HIKESHI: variants seen among roughly 807,000 people sequenced by gnomAD.
The protein encoded by HIKESHI is protein Hikeshi.
In HIKESHI, 13 loss-of-function variants were observed where a neutral mutation model predicts 25.7. That is an observed-to-expected ratio of 0.51 (90% CI 0.33 to 0.80). The LOEUF (loss-of-function observed/expected upper bound fraction) is 0.80, where lower values mean the gene tolerates loss of function less well. Among genes scored for constraint, HIKESHI ranks in the 30% least tolerant of loss-of-function variants. The probability of loss-of-function intolerance (pLI) is 0.02; values close to 1 mark genes in which losing one functional copy is unlikely to be tolerated. For synonymous variants in HIKESHI, 76 were observed against 78.7 expected (o/e 0.97, Z 0.18); for missense variants, 174 against 229.5 (o/e 0.76, Z 1.56).
chr11:86,302,586 A>T, intron 1 of HIKESHI, 108 bp downstream of exon 1: 1 of 1,328,014 alleles, frequency 7.5e-7, no homozygotes, highest in Non-Finnish European at 1.0e-6. Flanking sequence ...CCCACTTATT[A>T]TATTTTGGGT....
chr11:86,311,501 A>C (rs930836782), intron 2 of HIKESHI, among the ~76,000 whole-genome samples: 4 of 152,094 alleles, frequency 2.6e-5, no homozygotes, highest in African/African-American at 9.7e-5. Context: ...TTGATCTTTC[A>C]AAAAACCAGC....
At chr11:86,323,040 G>A (rs940960459) in intron 2 of HIKESHI, among the ~76,000 whole-genome samples, 2 of 151,974 alleles carry the variant, frequency 1.3e-5, no homozygotes, top group South Asian at 4.1e-4. Flanking sequence ...ACCAGCCTGG[G>A]CAACGTAGCA....
At chr11:86,308,174 AAT>A (rs558546781) in intron 2 of HIKESHI, among the ~76,000 whole-genome samples, 300 of 124,208 alleles carry the variant, frequency 2.4e-3, no homozygotes, top group African/African-American at 4.3e-3. Flanking sequence ...TTACATATAA[AAT>A]ATATATTACA....
intron 2 of HIKESHI, among the ~76,000 whole-genome samples, chr11:86,315,723 A>G (rs1217423910): frequency 6.6e-6 from 1 of 151,982 alleles, no homozygotes; most frequent in Non-Finnish European, 1.5e-5. Flanking sequence ...AGGTAGTTGT[A>G]CTTTATAAGA....
chr11:86,311,418 A>AT (rs1946831071), intron 2 of HIKESHI, among the ~76,000 whole-genome samples: 1 of 152,032 alleles, frequency 6.6e-6, no homozygotes, highest in African/African-American at 2.4e-5. Flanking sequence ...CCCCTTTATC[A>AT]TTTTTTATTG....
intron 2 of HIKESHI, among the ~76,000 whole-genome samples, chr11:86,329,925 T>A (rs1181374316): frequency 2.0e-5 from 3 of 152,134 alleles, no homozygotes; most frequent in Non-Finnish European, 1.5e-5. Context: ...AAATAGCATG[T>A]AGTTTGGTGC....
chr11:86,317,271 G>A (rs1947012249), intron 2 of HIKESHI, among the ~76,000 whole-genome samples: 2 of 152,042 alleles, frequency 1.3e-5, no homozygotes, highest in African/African-American at 4.8e-5. Context: ...TTCAGTGAGC[G>A]GAGATTGCAA....
At chr11:86,319,242 A>ATATATATATAT (rs1383589741) in intron 2 of HIKESHI, among the ~76,000 whole-genome samples, 4 of 94,950 alleles carry the variant, frequency 4.2e-5, no homozygotes, top group African/African-American at 1.9e-4. Context: ...ATATATATAT[A>ATATATATATAT]TTTTTTTTTT....
chr11:86,316,771 CTTTTTTT>C (rs71040229), intron 2 of HIKESHI, among the ~76,000 whole-genome samples: 3 of 68,790 alleles, frequency 4.4e-5, no homozygotes, highest in African/African-American at 1.3e-4. Context: ...CTGAAACATT[CTTTTTTT>C]TTTTTTTTTT....
chr11:86,302,336 C>T lies in HIKESHI; in HGVS notation c.-113C>T. On this transcript the variant is annotated 5_prime_UTR_variant, in exon 1 of 5. Coordinates refer to ENST00000278483, the MANE Select transcript of HIKESHI (RefSeq NM_016401.4). The stretch of plus-strand genomic sequence containing the variant: ...GCCCAGTCACTATGTAGTGGAGGGG[C>T]AGACACCCTCCCGCAAATTCTGGAA... The T allele has an allele frequency of 7.6e-7, 1 of 1,320,364 alleles. No homozygotes were observed. The highest frequency in any genetic ancestry group is 1.1e-6 in the Non-Finnish European group (1 of 946,082). 81.8% of individuals were successfully genotyped at this position (1,320,364 alleles called of 1,614,324 possible).
At chr11:86,330,597 A>G (rs1049705691) in intron 2 of HIKESHI, among the ~76,000 whole-genome samples, 2 of 152,216 alleles carry the variant, frequency 1.3e-5, no homozygotes, top group African/African-American at 4.8e-5. Flanking sequence ...GAAGCATTTC[A>G]TGATCAGGTC....
chr11:86,307,913 T>A (rs1946696929), intron 2 of HIKESHI, among the ~76,000 whole-genome samples: 3 of 122,320 alleles, frequency 2.5e-5, no homozygotes, highest in Non-Finnish European at 4.7e-5. Context: ...ATATATATTA[T>A]GTGTAATATA....
At chr11:86,325,869 C>T (rs1947267741) in intron 2 of HIKESHI, among the ~76,000 whole-genome samples, 1 of 80,498 alleles carries the variant, frequency 1.2e-5, no homozygotes, top group South Asian at 5.0e-4. Context: ...GAGACTCCGT[C>T]TCAGAAAAAA....
intron 2 of HIKESHI, among the ~76,000 whole-genome samples, chr11:86,308,765 T>C (rs1946754208): frequency 6.6e-6 from 1 of 151,968 alleles, no homozygotes; most frequent in African/African-American, 2.4e-5. Context: ...TTCCCCTTCC[T>C]GTGTCCAAGT....
intron 2 of HIKESHI, among the ~76,000 whole-genome samples, chr11:86,334,289 T>C (rs1212382528): frequency 6.6e-6 from 1 of 150,976 alleles, no homozygotes; most frequent in East Asian, 2.0e-4. Context: ...TTCCATTAGA[T>C]GCAAATAACA....
chr11:86,335,327 G>A (rs1171562862), intron 2 of HIKESHI, among the ~76,000 whole-genome samples: 2 of 152,156 alleles, frequency 1.3e-5, no homozygotes, highest in African/African-American at 4.8e-5. Flanking sequence ...AGCTACTGTT[G>A]CCCGAGGCAA....
intron 2 of HIKESHI, among the ~76,000 whole-genome samples, chr11:86,315,480 C>G (rs1236079152): frequency 6.6e-6 from 1 of 152,090 alleles, no homozygotes. Context: ...ACCACCATGC[C>G]CGGCTAATTT....
chr11:86,340,791 C>T (rs7117612), intron 3 of HIKESHI, among the ~76,000 whole-genome samples: 436 of 152,142 alleles, frequency 2.9e-3, no homozygotes, highest in African/African-American at 0.01. Context: ...ATTACAGGCG[C>T]GTGCCACCAG....
intron 2 of HIKESHI, among the ~76,000 whole-genome samples, chr11:86,314,792 A>G (rs982285534): frequency 1.3e-5 from 2 of 152,210 alleles, no homozygotes; most frequent in Non-Finnish European, 2.9e-5. Context: ...CCCTACGGCT[A>G]TGGTTCTTAA....
Sources: gnomAD v4.1 joint callset for allele counts (sites outside exome capture counted in the v4.1 genomes callset) on GRCh38, gnomAD v4.1.1 for gene constraint, MANE v1.5 for transcripts, NCBI Gene and HGNC (gene_info 2026-07-23, HGNC 2026-07-21) for gene names.